The following CYP51A1 variants were observed in gnomAD, a reference collection of about 807,000 sequenced individuals.
CYP51A1 encodes lanosterol 14-alpha demethylase.
In CYP51A1, 45 loss-of-function variants were observed where a neutral mutation model predicts 53.5. The observed-to-expected ratio is 0.84, with a 90% CI of 0.66 to 1.08. The LOEUF is 1.08. Among genes scored for constraint, CYP51A1 ranks in the 50% least tolerant of loss-of-function variants. The pLI is 0.00. For synonymous variants in CYP51A1, 181 were observed against 217.7 expected, an observed-to-expected ratio of 0.83 and a Z score of 1.48; for missense variants, 462 against 621.7, an observed-to-expected ratio of 0.74 and a Z score of 2.73.
chr7:92,128,805 T>C, intron 3 of CYP51A1, 75 bp downstream of exon 3: 9 of 1,284,930 alleles, frequency 7.0e-6, no homozygotes, highest in Non-Finnish European at 9.6e-6. Context: ...ACATTTTAAA[T>C]GTATAATGTC....
rs750257977 is a variant in CYP51A1, at chr7:92,113,767, A to G, written c.1428T>C (p.Tyr476=). 3.7e-5 allele frequency: 60 copies of G among 1,613,326 alleles called. No homozygotes were observed. Among genetic ancestry groups the G allele is most frequent in the Non-Finnish European group, 5.0e-5 (59 of 1,179,628 alleles). Residue 476 remains tyrosine (Y), a synonymous_variant, in exon 10 of 10, where the codon TAT becomes TAC. Transcript: ENST00000003100. ...AGTATCCATCAATGAGATCAAATTCATATAAACGAAGCATAGTGGACCAAA... is the reference window on the plus strand; with the variant it reads ...AGTATCCATCAATGAGATCAAATTCGTATAAACGAAGCATAGTGGACCAAA... The part of the protein sequence containing the change: ...KTIWSTMLRL[Y]EFDLIDGYFP...
chr7:92,134,598 G>C, upstream of CYP51A1: 1 of 504,626 alleles, frequency 2.0e-6, no homozygotes, highest in Non-Finnish European at 3.5e-6. Context: ...CTTCTTGCGC[G>C]GGATAGGGCA....
At chr7:92,134,027 C>A in intron 1 of CYP51A1, 146 bp downstream of exon 1, 1 of 742,162 alleles carries the variant, frequency 1.3e-6, no homozygotes, top group Non-Finnish European at 2.1e-6. Context: ...GCGCGCCTGC[C>A]ACCAAAGCCA....
intron 2 of CYP51A1, among the ~76,000 whole-genome samples, chr7:92,130,371 T>C (rs1249590468): frequency 1.3e-5 from 2 of 152,228 alleles, no homozygotes; most frequent in Non-Finnish European, 2.9e-5. Flanking sequence ...TTGGCTTACT[T>C]AGCATCTTAA....
At chr7:92,119,907 A>G (rs1371038905) in intron 7 of CYP51A1, among the ~76,000 whole-genome samples, 4 of 152,182 alleles carry the variant, frequency 2.6e-5, no homozygotes, top group African/African-American at 4.8e-5. Context: ...ATATCAATAT[A>G]TTATTTTTTT....
chr7:92,123,588 T>C, intron 6 of CYP51A1, 146 bp downstream of exon 6: 1 of 796,672 alleles, frequency 1.3e-6, no homozygotes, highest in Non-Finnish European at 1.9e-6. Context: ...CAATAGTTTA[T>C]GTCTCAACAA....
chr7:92,118,668 C>T (rs1819626611), intron 7 of CYP51A1, 53 bp from the exon 8 acceptor site: 5 of 1,050,982 alleles, frequency 4.8e-6, no homozygotes, highest in African/African-American at 4.7e-5. Flanking sequence ...TTCAACAGTA[C>T]AAAAAATTAG....
intron 7 of CYP51A1, among the ~76,000 whole-genome samples, chr7:92,119,525 G>A (rs1226560143): frequency 1.3e-5 from 2 of 152,214 alleles, no homozygotes; most frequent in Non-Finnish European, 2.9e-5. Flanking sequence ...ACTAAAGTAA[G>A]CAAGCAGAGA....
intron 1 of CYP51A1, 148 bp downstream of exon 1, chr7:92,134,025 G>T: frequency 1.4e-6 from 1 of 717,392 alleles, no homozygotes; most frequent in Non-Finnish European, 2.2e-6. Context: ...CAGCGCGCCT[G>T]CCACCAAAGC....
chr7:92,124,583 ACT>A (rs1341312742), intron 5 of CYP51A1, among the ~76,000 whole-genome samples: 1 of 151,956 alleles, frequency 6.6e-6, no homozygotes, highest in Non-Finnish European at 1.5e-5. Context: ...AAAAACTCCT[ACT>A]CTGTTTCATT....
At chr7:92,114,461 T>G (rs955638690) in intron 9 of CYP51A1, among the ~76,000 whole-genome samples, 1 of 152,092 alleles carries the variant, frequency 6.6e-6, no homozygotes, top group African/African-American at 2.4e-5. Flanking sequence ...GATCAACAAA[T>G]AGATCAATGG....
At chr7:92,131,225 G>A (rs1819910367) in intron 2 of CYP51A1, among the ~76,000 whole-genome samples, 1 of 152,184 alleles carries the variant, frequency 6.6e-6, no homozygotes, top group Non-Finnish European at 1.5e-5. Flanking sequence ...TATGGTCTAC[G>A]AATAGGATAT....
upstream of CYP51A1, chr7:92,134,517 C>A (rs550161084): frequency 2.6e-5 from 19 of 730,762 alleles, no homozygotes; most frequent in South Asian, 3.3e-4. Context: ...CGCGCCACCC[C>A]GTGCGTCACA....
chr7:92,113,697 G>A lies in CYP51A1; in HGVS notation c.1498C>T (p.Pro500Ser), dbSNP rs763338165. 19 of 1,611,490 alleles carry A rather than the reference G, an allele frequency of 1.2e-5. No homozygotes were observed. The African/African-American group carries it at 2.3e-4, about 19-fold the overall frequency. The change falls in exon 10 of 10, where the codon CCA becomes TCA. Residue 500 changes from proline to serine, a missense_variant. Pro to Ser is a moderately conservative substitution (Grantham distance 74). Coordinates refer to ENST00000003100, the MANE Select transcript of CYP51A1 (RefSeq NM_000786.4). ...YTTMIHTPEN[P>S]VIRYKRRSK ...GATCTTCGTTTGTAACGGATAACTG[G>A]GTTTTCAGGGGTGTGAATCATAGTT...
chr7:92,129,479 CA>C (rs1349841495), intron 2 of CYP51A1, among the ~76,000 whole-genome samples: 1 of 152,126 alleles, frequency 6.6e-6, no homozygotes, highest in Non-Finnish European at 1.5e-5. Flanking sequence ...CAAGACTAGC[CA>C]AAGAATTTGA....
chr7:92,115,758 A>C (rs1584629754), intron 9 of CYP51A1, among the ~76,000 whole-genome samples: 1 of 151,994 alleles, frequency 6.6e-6, no homozygotes, highest in Non-Finnish European at 1.5e-5. Context: ...ACCAACTATA[A>C]ATGAGATGTT....
chr7:92,114,910 A>G (rs1332597994), intron 9 of CYP51A1, among the ~76,000 whole-genome samples: 1 of 152,260 alleles, frequency 6.6e-6, no homozygotes, highest in Non-Finnish European at 1.5e-5. Flanking sequence ...TGCTTAGCAC[A>G]GTGCTTGCTT....
At chr7:92,131,676 A>G in intron 2 of CYP51A1, 98 bp downstream of exon 2, 1 of 651,458 alleles carries the variant, frequency 1.5e-6, no homozygotes, top group Non-Finnish European at 2.7e-6. Flanking sequence ...GTATATGATT[A>G]CAATGTTTTT....
Position 92,134,451 on chromosome 7 carries a change from A to T in CYP51A1, c.-87T>A. On this transcript the variant is annotated 5_prime_UTR_variant, in exon 1 of 10. Transcript: ENST00000003100. ...GAGAAGCTGGCAGATGGTCGTCCAC[A>T]GGGGGCCTTGCCCCAGGTCTCCTAC... 7.2e-7 allele frequency: 1 copy of T among 1,393,392 alleles called. No individual in the cohort carries two copies. The highest frequency in any genetic ancestry group is 9.6e-7 in the Non-Finnish European group (1 of 1,043,576). The allele number at this position is 1,393,392 out of a possible 1,614,324, so 86.3% of individuals were successfully genotyped here. A position where few individuals can be genotyped will look rare whatever the true frequency, so the allele number is the denominator to read the frequency against.
Sources: allele counts gnomAD v4.1 joint callset (sites outside exome capture counted in the v4.1 genomes callset), GRCh38; gene constraint gnomAD v4.1.1; transcripts MANE v1.5; gene names NCBI Gene and HGNC (gene_info 2026-07-23, HGNC 2026-07-21).